Variants in PDZD8 observed in about 807,000 individuals in gnomAD.
PDZD8 encodes PDZ domain-containing protein 8.
In PDZD8, 14 loss-of-function variants were observed where a neutral mutation model predicts 85.8. The observed-to-expected ratio is 0.16, with a 90% confidence interval of 0.11 to 0.26. The LOEUF (loss-of-function observed/expected upper bound fraction) is 0.26, where lower values mean the gene tolerates loss of function less well. Among genes scored for constraint, PDZD8 ranks in the 10% least tolerant of loss-of-function variants. The pLI, the probability that PDZD8 is intolerant of heterozygous loss-of-function variation, is 1.00. For missense variants in PDZD8, 1,197 were observed against 1,424.3 expected (o/e 0.84, Z 2.57); for synonymous variants, 592 against 568.6 (o/e 1.04, Z -0.59).
intron 1 of PDZD8, among the ~76,000 whole-genome samples, chr10:117,349,795 C>T (rs1455340815): frequency 1.3e-5 from 2 of 151,002 alleles, no homozygotes; most frequent in African/African-American, 4.9e-5. Context: ...AGAGTAAGAC[C>T]CACTCTCAAA....
intron 3 of PDZD8, among the ~76,000 whole-genome samples, chr10:117,302,295 A>G (rs1843860225): frequency 6.6e-6 from 1 of 152,244 alleles, no homozygotes; most frequent in Admixed American, 6.5e-5. Context: ...CAAAGGAGAT[A>G]CCACATTTAC....
At chr10:117,315,874 T>C (rs1384656746) in intron 3 of PDZD8, among the ~76,000 whole-genome samples, 3 of 152,184 alleles carry the variant, frequency 2.0e-5, no homozygotes, top group African/African-American at 4.8e-5. Flanking sequence ...TTATAGTTTA[T>C]TACTAAAATA....
At chr10:117,311,141 G>A (rs1844029878) in intron 3 of PDZD8, among the ~76,000 whole-genome samples, 1 of 152,164 alleles carries the variant, frequency 6.6e-6, no homozygotes, top group Non-Finnish European at 1.5e-5. Flanking sequence ...TACACATAGA[G>A]TAAGAAATGT....
At chr10:117,312,040 T>C (rs1844047271) in intron 3 of PDZD8, among the ~76,000 whole-genome samples, 1 of 152,076 alleles carries the variant, frequency 6.6e-6, no homozygotes, top group South Asian at 2.1e-4. Context: ...GTGCTTTACA[T>C]TGGTCAAACC....
At chr10:117,309,495 A>C (rs1486517200) in intron 3 of PDZD8, among the ~76,000 whole-genome samples, 1 of 151,934 alleles carries the variant, frequency 6.6e-6, no homozygotes, top group Non-Finnish European at 1.5e-5. Flanking sequence ...CTTGCACAGA[A>C]TGAGATCCTC....
At chr10:117,338,888 C>T (rs544558511) in intron 2 of PDZD8, among the ~76,000 whole-genome samples, 2 of 152,230 alleles carry the variant, frequency 1.3e-5, no homozygotes, top group East Asian at 1.9e-4. Flanking sequence ...GGTTAAATAG[C>T]TACAAGCTAA....
intron 2 of PDZD8, among the ~76,000 whole-genome samples, chr10:117,319,359 T>TA (rs1435790370): frequency 6.9e-6 from 1 of 145,288 alleles, no homozygotes; most frequent in Admixed American, 6.8e-5. Flanking sequence ...GTAAAACACA[T>TA]ACACACACTA....
At chr10:117,365,270 T>C (rs919274569) in intron 1 of PDZD8, among the ~76,000 whole-genome samples, 2 of 152,162 alleles carry the variant, frequency 1.3e-5, no homozygotes, top group Admixed American at 6.5e-5. Flanking sequence ...TAATGGTCAA[T>C]GTAATTATAA....
At chr10:117,335,542 C>A (rs34395288) in intron 2 of PDZD8, among the ~76,000 whole-genome samples, 7,431 of 152,232 alleles carry the variant, frequency 0.049, 261 homozygotes, top group Non-Finnish European at 0.073. Flanking sequence ...TCTTTTTGTA[C>A]AGTTCTGGGT....
chr10:117,322,172 T>C (rs1425297770), intron 2 of PDZD8, among the ~76,000 whole-genome samples: 3 of 152,168 alleles, frequency 2.0e-5, no homozygotes, highest in African/African-American at 7.2e-5. Flanking sequence ...TAGATCCTAA[T>C]AAGAACAAAC....
intron 3 of PDZD8, among the ~76,000 whole-genome samples, chr10:117,302,956 G>A (rs1016054360): frequency 1.2e-4 from 18 of 152,174 alleles, no homozygotes; most frequent in African/African-American, 4.1e-4. Flanking sequence ...AAAATGCCCA[G>A]TCTCAGGTAT....
At chr10:117,333,981 A>G (rs185470566) in intron 2 of PDZD8, among the ~76,000 whole-genome samples, 2 of 152,340 alleles carry the variant, frequency 1.3e-5, no homozygotes, top group Admixed American at 1.3e-4. Context: ...ACAAAAAGCA[A>G]TGAGGGAAAC....
intron 2 of PDZD8, among the ~76,000 whole-genome samples, chr10:117,332,150 C>T (rs1473326091): frequency 6.6e-6 from 1 of 152,160 alleles, no homozygotes; most frequent in African/African-American, 2.4e-5. Flanking sequence ...GCTTTAAAGA[C>T]TTTGAGGAAT....
At chr10:117,349,734 T>A (rs1035328436) in intron 1 of PDZD8, among the ~76,000 whole-genome samples, 4 of 152,000 alleles carry the variant, frequency 2.6e-5, no homozygotes, top group African/African-American at 9.7e-5. Context: ...GCCTGGGAGA[T>A]CGAGGCTGCA....
At position 117,325,553 on chromosome 10, in the gene PDZD8, C is replaced by T. The variant is rs145385866; in HGVS notation, c.996-6579G>A. Among the ~76,000 whole-genome samples the T allele has an allele frequency of 5.8e-4, 88 of 151,948 alleles. 2 individuals are homozygous for T. The East Asian group carries it at 0.015, about 26-fold the overall frequency. ...AAGTAGCTGGGATTACAGGCGCGTG[C>T]CACCATGCCTGGCTAATTTTTGTAT... On this transcript the variant is annotated intron_variant, in intron 2 of 4. Coordinates refer to ENST00000334464, the MANE Select transcript of PDZD8 (RefSeq NM_173791.5).
At chr10:117,372,408 TA>T (rs5788228) in intron 1 of PDZD8, among the ~76,000 whole-genome samples, 71,595 of 151,130 alleles carry the variant, frequency 0.47, 17,211 homozygotes, top group Middle Eastern at 0.6. Flanking sequence ...AAGTCTACAT[TA>T]AAAAAAAAAT....
At chr10:117,307,349 T>C (rs922747470) in intron 3 of PDZD8, among the ~76,000 whole-genome samples, 5 of 152,038 alleles carry the variant, frequency 3.3e-5, no homozygotes, top group African/African-American at 1.2e-4. Flanking sequence ...TGCAAACAAA[T>C]GAGTGTATCA....
At chr10:117,299,358 A>T (rs1260409166) in intron 3 of PDZD8, among the ~76,000 whole-genome samples, 1 of 152,118 alleles carries the variant, frequency 6.6e-6, no homozygotes, top group Non-Finnish European at 1.5e-5. Context: ...GGATGCCTAA[A>T]TCTCTAGCAA....
chr10:117,375,135 G>A lies in PDZD8; in HGVS notation c.93C>T (p.Pro31=). The change falls in exon 1 of 5, where the codon CCC becomes CCT. Residue 31 remains proline, a synonymous_variant. Transcript: ENST00000334464. The part of the protein sequence containing the change: ...AQFFLLYRRQ[P]EPPADEAARA... ...GGGCGGCCTCGTCCGCCGGCGGCTC[G>A]GGCTGTCTGCGGTACAGCAGGAAGA... 2 of 1,590,248 alleles carry A rather than the reference G, an allele frequency of 1.3e-6. No individual in the cohort carries two copies. The highest frequency in any genetic ancestry group is 8.5e-7 in the Non-Finnish European group (1 of 1,174,422).
Sources: allele counts gnomAD v4.1 joint callset (sites outside exome capture counted in the v4.1 genomes callset), GRCh38; gene constraint gnomAD v4.1.1; transcripts MANE v1.5; gene names NCBI Gene and HGNC (gene_info 2026-07-23, HGNC 2026-07-21).